Variants in DNAAF9 observed in about 807,000 individuals in gnomAD.
The protein encoded by DNAAF9 is dynein axonemal assembly factor 9.
In DNAAF9, 90 loss-of-function variants were observed where a neutral mutation model predicts 167.0. The ratio of observed to expected loss-of-function variants is 0.54; its 90% CI spans 0.45 to 0.64. DNAAF9 has a LOEUF of 0.64. DNAAF9 is among the 30% of genes least tolerant of loss of function. DNAAF9 has a pLI of 0.00. For missense variants in DNAAF9, 1,315 were observed against 1,442.2 expected, an observed-to-expected ratio of 0.91 and a Z score of 1.43; for synonymous variants, 491 against 508.8, an observed-to-expected ratio of 0.96 and a Z score of 0.47.
At chr20:3,298,538 T>C (rs913661365) in intron 21 of DNAAF9, among the ~76,000 whole-genome samples, 2 of 152,110 alleles carry the variant, frequency 1.3e-5, no homozygotes, top group Non-Finnish European at 2.9e-5. Flanking sequence ...CAGGCTGGTC[T>C]CAAACTCCTG....
At chr20:3,291,116 C>T (rs770877461) in intron 25 of DNAAF9, among the ~76,000 whole-genome samples, 1 of 151,972 alleles carries the variant, frequency 6.6e-6, no homozygotes, top group African/African-American at 2.4e-5. Flanking sequence ...ACTCACTGTG[C>T]GTGTGAAGCA....
intron 35 of DNAAF9, 120 bp downstream of exon 35, chr20:3,255,099 A>G (rs2068255044): frequency 3.1e-6 from 2 of 643,618 alleles, no homozygotes; most frequent in Non-Finnish European, 5.6e-6. Flanking sequence ...GCCTGGGAGA[A>G]GCAAGACCTC....
chr20:3,405,476 G>T (rs79949111), intron 1 of DNAAF9, among the ~76,000 whole-genome samples: 6,196 of 152,294 alleles, frequency 0.041, 170 homozygotes, highest in African/African-American at 0.081. Context: ...CAATCATGTA[G>T]AAGTGGGGAA....
rs758362902 is a variant in DNAAF9 at position 3,315,077 on chromosome 20, C to T, written c.1634G>A (p.Gly545Glu). 6.2e-7 allele frequency: 1 copy of T among 1,611,832 alleles called. No individual in the cohort carries two copies. The highest frequency in any genetic ancestry group is 1.1e-5 in the South Asian group (1 of 91,036). ...FLGTYLTGGE[G>E]AYLYSSNLQS... ...TAGATTGCTGGAATAAAGATATGCT[C>T]CTTCTCCTCCTGTTAGATAAGTGCC... is the stretch of plus-strand genomic sequence containing the variant. The change falls in exon 20 of 37, where the codon GGA (glycine) becomes GAA (glutamate). Residue 545 changes from glycine (G) to glutamate (E), a missense_variant. By Grantham distance (98) the Gly-to-Glu change is moderately conservative. Around this residue, in one of 2 missense-constraint regions of DNAAF9, gnomAD observed 981 missense variants for 1,012.5 expected, o/e 0.97. Coordinates refer to ENST00000252032, the MANE Select transcript of DNAAF9 (RefSeq NM_001009984.3). The surrounding 1 kb of genome is among the most constrained non-coding windows in gnomAD (Gnocchi z 4.1).
chr20:3,269,148 C>A (rs1338769580), intron 30 of DNAAF9, among the ~76,000 whole-genome samples: 2 of 151,504 alleles, frequency 1.3e-5, no homozygotes, highest in Non-Finnish European at 1.5e-5. Flanking sequence ...ACCTTGTGAT[C>A]CGCCTGCCTT....
rs758803421 is a variant in DNAAF9 at position 3,332,380 on chromosome 20, T to A, written c.982-19A>T. On this transcript the variant is annotated intron_variant, in intron 10 of 36. Transcript: ENST00000252032. ...GGGCTACCTGGATGTCAGAAAAAAATAAAAATAAAAAGGGGCAATAACTTA... is the reference window on the plus strand; with the variant it reads ...GGGCTACCTGGATGTCAGAAAAAAAAAAAAATAAAAAGGGGCAATAACTTA... 2 of 1,410,578 alleles carry A rather than the reference T, an allele frequency of 1.4e-6. No homozygotes were observed. Among genetic ancestry groups the A allele is most frequent in the Admixed American group, 1.7e-5 (1 of 58,454 alleles). 87.4% of individuals were successfully genotyped at this position (1,410,578 alleles called of 1,614,324 possible). A position where few individuals can be genotyped will look rare whatever the true frequency, so the allele number is the denominator to read the frequency against.
intron 6 of DNAAF9, among the ~76,000 whole-genome samples, chr20:3,360,416 C>T (rs929199997): frequency 8.5e-5 from 13 of 152,114 alleles, no homozygotes; most frequent in Admixed American, 1.3e-4. Context: ...TGTGCCTGGC[C>T]CCCAAACTGT....
chr20:3,376,805 C>T (rs889812472), intron 3 of DNAAF9, among the ~76,000 whole-genome samples: 3 of 152,234 alleles, frequency 2.0e-5, no homozygotes, highest in East Asian at 1.9e-4. Flanking sequence ...TGGCTCACGC[C>T]TGTAATCCCA....
At chr20:3,344,636 CA>C (rs1568617732) in intron 8 of DNAAF9, among the ~76,000 whole-genome samples, 8 of 120,468 alleles carry the variant, frequency 6.6e-5, no homozygotes, top group East Asian at 4.8e-4. Flanking sequence ...CACACACACA[CA>C]CACCTCATGT....
At chr20:3,258,084 T>C (rs2068313621) in intron 33 of DNAAF9, among the ~76,000 whole-genome samples, 1 of 92,944 alleles carries the variant, frequency 1.1e-5, no homozygotes, top group South Asian at 2.9e-4. Flanking sequence ...CAGGCTGGTC[T>C]CGAACTCCTG....
chr20:3,396,601 A>G (rs2123292275), intron 1 of DNAAF9, among the ~76,000 whole-genome samples: 1 of 152,352 alleles, frequency 6.6e-6, no homozygotes, highest in East Asian at 1.9e-4. Flanking sequence ...GCAGTTTAAA[A>G]GCAAGATCAG....
At chr20:3,363,628 G>A (rs1225583680) in intron 6 of DNAAF9, among the ~76,000 whole-genome samples, 6 of 151,544 alleles carry the variant, frequency 4.0e-5, no homozygotes, top group African/African-American at 1.2e-4. Context: ...AGAAGCAGGA[G>A]GACAGTATGA....
chr20:3,348,028 G>A (rs2070230798), intron 8 of DNAAF9, among the ~76,000 whole-genome samples: 1 of 152,312 alleles, frequency 6.6e-6, no homozygotes, highest in Admixed American at 6.5e-5. Context: ...GCTGCAGTGA[G>A]TGCCCAAGAA....
At chr20:3,296,814 C>A in intron 23 of DNAAF9, 47 bp downstream of exon 23, 1 of 1,231,288 alleles carries the variant, frequency 8.1e-7, no homozygotes, top group Non-Finnish European at 1.2e-6. Flanking sequence ...GAGAGCACAC[C>A]CACAAAGCCT....
chr20:3,393,343 T>G (rs2083853179), intron 1 of DNAAF9, among the ~76,000 whole-genome samples: 1 of 151,760 alleles, frequency 6.6e-6, no homozygotes, highest in Admixed American at 6.6e-5. Context: ...CAAAACCCTA[T>G]CTCTACAAAA....
chr20:3,287,212 T>C (rs1360608933), intron 27 of DNAAF9, among the ~76,000 whole-genome samples: 8 of 152,180 alleles, frequency 5.3e-5, no homozygotes, highest in Non-Finnish European at 5.9e-5. Flanking sequence ...GAAACTCTCC[T>C]GGGCCACAAT....
chr20:3,364,662 G>T (rs1025746164), intron 6 of DNAAF9, among the ~76,000 whole-genome samples: 1 of 152,166 alleles, frequency 6.6e-6, no homozygotes, highest in Non-Finnish European at 1.5e-5. Context: ...ACACACCATA[G>T]TCTATTAAGT....
chr20:3,258,718 A>G (rs1206919742), intron 33 of DNAAF9, among the ~76,000 whole-genome samples: 2 of 152,008 alleles, frequency 1.3e-5, no homozygotes, highest in Non-Finnish European at 2.9e-5. Flanking sequence ...CTGGCTCCTC[A>G]GTGGCCTTGC....
chr20:3,253,544 T>C (rs2068228235), intron 36 of DNAAF9, among the ~76,000 whole-genome samples, 182 bp downstream of exon 36: 1 of 152,188 alleles, frequency 6.6e-6, no homozygotes, highest in African/African-American at 2.4e-5. Context: ...CTTTAGAGAC[T>C]GAAATGAAAA....
Sources: allele counts gnomAD v4.1 joint callset (sites outside exome capture counted in the v4.1 genomes callset), GRCh38; gene constraint gnomAD v4.1.1; regional missense constraint gnomAD v4.1.1; non-coding constraint Gnocchi (gnomAD v3.1); transcripts MANE v1.5; gene names NCBI Gene and HGNC (gene_info 2026-07-23, HGNC 2026-07-21).